Variants in SPATA16 observed in about 807,000 individuals in gnomAD.
SPATA16 encodes spermatogenesis-associated protein 16.
In SPATA16, 36 loss-of-function variants were observed where a neutral mutation model predicts 63.3. The observed-to-expected ratio is 0.57, with a 90% CI of 0.44 to 0.75. The LOEUF (loss-of-function observed/expected upper bound fraction) is 0.75. Among genes scored for constraint, SPATA16 ranks in the 30% least tolerant of loss-of-function variants. The pLI, the probability that SPATA16 is intolerant of heterozygous loss-of-function variation, is 0.00. For missense variants in SPATA16, 646 were observed against 679.3 expected, an observed-to-expected ratio of 0.95 and a Z score of 0.54; for synonymous variants, 203 against 216.7, an observed-to-expected ratio of 0.94 and a Z score of 0.56.
chr3:173,112,400 C>A (rs13070393), intron 2 of SPATA16, among the ~76,000 whole-genome samples: 1 of 152,024 alleles, frequency 6.6e-6, no homozygotes, highest in Non-Finnish European at 1.5e-5. Flanking sequence ...CTGGCAAGAT[C>A]TAGAATTTTG....
chr3:172,959,616 G>C (rs1577106761), intron 5 of SPATA16, among the ~76,000 whole-genome samples: 1 of 152,176 alleles, frequency 6.6e-6, no homozygotes, highest in East Asian at 1.9e-4. Context: ...GCCCCAGGAA[G>C]AAATAGTACA....
intron 5 of SPATA16, among the ~76,000 whole-genome samples, chr3:172,969,497 G>A (rs1733996964): frequency 6.6e-6 from 1 of 152,016 alleles, no homozygotes; most frequent in African/African-American, 2.4e-5. Context: ...GGTTGAAGGG[G>A]GACAATAGAA....
chr3:173,037,064 AAAAATATGGT>A (rs1735729243), intron 3 of SPATA16, among the ~76,000 whole-genome samples: 1 of 152,020 alleles, frequency 6.6e-6, no homozygotes, highest in Non-Finnish European at 1.5e-5. Context: ...TATAATGTTT[AAAAATATGGT>A]AAAATCCTCA....
intron 1 of SPATA16, among the ~76,000 whole-genome samples, chr3:173,137,262 C>T (rs770472191): frequency 7.9e-5 from 12 of 152,150 alleles, no homozygotes; most frequent in Non-Finnish European, 1.2e-4. Flanking sequence ...TGGCACCTCC[C>T]GCCCATTATA....
At chr3:173,065,887 G>A (rs553325441) in intron 2 of SPATA16, among the ~76,000 whole-genome samples, 56 of 152,196 alleles carry the variant, frequency 3.7e-4, no homozygotes, top group Admixed American at 7.8e-4. Flanking sequence ...GTGGCCTGGG[G>A]CCAGAAATGA....
chr3:173,024,492 T>C (rs368330889), intron 3 of SPATA16, among the ~76,000 whole-genome samples: 1 of 151,002 alleles, frequency 6.6e-6, no homozygotes, highest in African/African-American at 2.4e-5. Flanking sequence ...TTGTGGACTT[T>C]CCTTTGATCT....
At chr3:173,112,327 A>T (rs1409894785) in intron 2 of SPATA16, among the ~76,000 whole-genome samples, 1 of 152,238 alleles carries the variant, frequency 6.6e-6, no homozygotes, top group African/African-American at 2.4e-5. Flanking sequence ...AGTGCTCCTC[A>T]AACTGCAATG....
chr3:172,933,624 C>T (rs1171273595), intron 6 of SPATA16, among the ~76,000 whole-genome samples: 1 of 152,172 alleles, frequency 6.6e-6, no homozygotes, highest in Non-Finnish European at 1.5e-5. Flanking sequence ...ACTGTGGAAA[C>T]AGAGTGGTGA....
chr3:173,020,101 G>A (rs766788941), intron 3 of SPATA16, among the ~76,000 whole-genome samples: 21 of 152,052 alleles, frequency 1.4e-4, no homozygotes, highest in Non-Finnish European at 2.5e-4. Flanking sequence ...TTCAAGAACA[G>A]CCTGGCCAAC....
At chr3:173,036,387 C>T (rs779868994) in intron 3 of SPATA16, among the ~76,000 whole-genome samples, 2 of 151,868 alleles carry the variant, frequency 1.3e-5, no homozygotes, top group Admixed American at 6.6e-5. Context: ...CTGATGAGGT[C>T]GGTGATATTA....
At chr3:173,105,807 CCCTT>C (rs34064036) in intron 2 of SPATA16, among the ~76,000 whole-genome samples, 64 of 147,228 alleles carry the variant, frequency 4.3e-4, no homozygotes, top group African/African-American at 1.5e-3. Flanking sequence ...CTCCCTTCCT[CCCTT>C]CCTTCCTTCC....
At chr3:173,013,076 C>T (rs1735106821) in intron 4 of SPATA16, among the ~76,000 whole-genome samples, 1 of 151,862 alleles carries the variant, frequency 6.6e-6, no homozygotes, top group African/African-American at 2.4e-5. Context: ...ACAAGCAAAC[C>T]ACAATAAAAA....
chr3:172,915,698 C>T (rs1293752965), intron 9 of SPATA16, among the ~76,000 whole-genome samples: 1 of 152,052 alleles, frequency 6.6e-6, no homozygotes, highest in Non-Finnish European at 1.5e-5. Flanking sequence ...GTGAGAATCC[C>T]TTCAACTAGT....
chr3:173,025,979 T>G (rs1041585467), intron 3 of SPATA16, among the ~76,000 whole-genome samples: 2 of 151,978 alleles, frequency 1.3e-5, no homozygotes, highest in Non-Finnish European at 2.9e-5. Context: ...TATGCTCAAC[T>G]TTGTGAGAAA....
At chr3:173,084,739 C>T (rs569986319) in intron 2 of SPATA16, among the ~76,000 whole-genome samples, 2 of 152,278 alleles carry the variant, frequency 1.3e-5, no homozygotes, top group East Asian at 3.9e-4. Flanking sequence ...CTGCCTATGG[C>T]TAGCCAGTTC....
intron 5 of SPATA16, among the ~76,000 whole-genome samples, chr3:172,966,145 A>G (rs765031589): frequency 3.9e-5 from 6 of 152,164 alleles, no homozygotes; most frequent in Admixed American, 2.0e-4. Context: ...ATATGTTTCT[A>G]TGTGCTTTGT....
chr3:173,020,919 C>T (rs1735315781), intron 3 of SPATA16, among the ~76,000 whole-genome samples: 3 of 152,080 alleles, frequency 2.0e-5, no homozygotes, highest in Admixed American at 1.3e-4. Flanking sequence ...GGTTCTTAAC[C>T]TTTTTTTGAG....
At chr3:172,951,501 A>ATTTT (rs1560076821) in intron 6 of SPATA16, among the ~76,000 whole-genome samples, 1 of 152,152 alleles carries the variant, frequency 6.6e-6, no homozygotes, top group African/African-American at 2.4e-5. Context: ...TAATTTAAAA[A>ATTTT]AAAAAAAATT....
intron 2 of SPATA16, among the ~76,000 whole-genome samples, chr3:173,065,207 T>C (rs142628408): frequency 6.6e-6 from 1 of 152,176 alleles, no homozygotes; most frequent in Non-Finnish European, 1.5e-5. Context: ...ATATATGGCA[T>C]ACAACAGTCC....
Sources: gnomAD v4.1 joint callset for allele counts (sites outside exome capture counted in the v4.1 genomes callset) on GRCh38, gnomAD v4.1.1 for gene constraint, MANE v1.5 for transcripts, NCBI Gene and HGNC (gene_info 2026-07-23, HGNC 2026-07-21) for gene names.